The following CDH18 variants were observed in gnomAD, a reference collection of about 807,000 sequenced individuals.
The protein encoded by CDH18 is cadherin 18, also known as cadherin-18.
CDH18 carries 31 observed loss-of-function variants against 67.9 expected under a neutral mutation model. The ratio of observed to expected loss-of-function variants is 0.46; its 90% CI spans 0.34 to 0.62. CDH18 has a LOEUF of 0.62. CDH18 is among the 20% of genes least tolerant of loss of function. The pLI is 0.01. For synonymous variants in CDH18, 362 were observed against 347.2 expected (o/e 1.04, Z -0.48); for missense variants, 890 against 975.5 (o/e 0.91, Z 1.17).
chr5:19,517,826 C>A (rs1302406414), intron 10 of CDH18, among the ~76,000 whole-genome samples: 7 of 151,954 alleles, frequency 4.6e-5, no homozygotes, highest in African/African-American at 1.7e-4. Flanking sequence ...GTCTCTCATA[C>A]TCTTATTTAT....
chr5:20,296,172 C>T (rs1747498581), intron 1 of CDH18, among the ~76,000 whole-genome samples: 1 of 151,298 alleles, frequency 6.6e-6, no homozygotes, highest in Non-Finnish European at 1.5e-5. Context: ...TCGCGCCTGG[C>T]CGACAAATTT....
At chr5:20,350,974 G>T (rs12513933) in intron 1 of CDH18, among the ~76,000 whole-genome samples, 18,390 of 149,518 alleles carry the variant, frequency 0.12, 1,888 homozygotes, top group African/African-American at 0.28. Flanking sequence ...TTTTGGAAAA[G>T]TAAAAAAAAA....
intron 2 of CDH18, among the ~76,000 whole-genome samples, chr5:19,934,574 C>T (rs1348776445): frequency 6.6e-6 from 1 of 151,324 alleles, no homozygotes; most frequent in Non-Finnish European, 1.5e-5. Context: ...TTTTTAAAGG[C>T]CCACTTTTAC....
chr5:19,565,453 T>A (rs1159443004), intron 8 of CDH18, among the ~76,000 whole-genome samples: 2 of 152,206 alleles, frequency 1.3e-5, no homozygotes, highest in African/African-American at 4.8e-5. Flanking sequence ...ACTACAGCAG[T>A]ACCTCCACAA....
At chr5:20,107,206 C>T (rs769302823) in intron 2 of CDH18, among the ~76,000 whole-genome samples, 9 of 151,970 alleles carry the variant, frequency 5.9e-5, no homozygotes, top group Non-Finnish European at 1.2e-4. Context: ...TCAGCCTCCC[C>T]AGTAGCTGGG....
chr5:19,559,031 T>C (rs1177990984), intron 8 of CDH18, among the ~76,000 whole-genome samples: 1 of 152,264 alleles, frequency 6.6e-6, no homozygotes, highest in East Asian at 1.9e-4. Flanking sequence ...GTGGTATCAG[T>C]TGTAATATCT....
At chr5:20,294,069 C>T (rs918968623) in intron 1 of CDH18, among the ~76,000 whole-genome samples, 4 of 152,088 alleles carry the variant, frequency 2.6e-5, no homozygotes, top group African/African-American at 9.7e-5. Context: ...GATTTATATA[C>T]ACTGTTGGTC....
intron 2 of CDH18, among the ~76,000 whole-genome samples, chr5:19,897,021 GT>G (rs1789415967): frequency 6.6e-6 from 1 of 152,074 alleles, no homozygotes; most frequent in Non-Finnish European, 1.5e-5. Flanking sequence ...TGACTTTAGT[GT>G]TTGCAAAGAT....
chr5:20,015,241 C>G (rs1737780654), intron 2 of CDH18, among the ~76,000 whole-genome samples: 1 of 152,058 alleles, frequency 6.6e-6, no homozygotes, highest in South Asian at 2.1e-4. Context: ...CCATAGGTCC[C>G]ACGTTTATTA....
chr5:20,371,291 T>C (rs77978978), intron 1 of CDH18, among the ~76,000 whole-genome samples: 1 of 152,110 alleles, frequency 6.6e-6, no homozygotes, highest in Non-Finnish European at 1.5e-5. Context: ...AGAGGTAGAT[T>C]ATGGATCAAC....
At chr5:20,228,557 A>T (rs901901090) in intron 2 of CDH18, among the ~76,000 whole-genome samples, 4 of 152,050 alleles carry the variant, frequency 2.6e-5, no homozygotes, top group African/African-American at 9.7e-5. Flanking sequence ...TGTACAATAG[A>T]TCTCTTGAAA....
chr5:20,295,218 T>C (rs1432456124), intron 1 of CDH18, among the ~76,000 whole-genome samples: 1 of 152,164 alleles, frequency 6.6e-6, no homozygotes, highest in African/African-American at 2.4e-5. Context: ...TGTGATTTTA[T>C]ATTGTTTTGC....
intron 8 of CDH18, among the ~76,000 whole-genome samples, chr5:19,561,267 A>T (rs1739402281): frequency 6.6e-6 from 1 of 152,188 alleles, no homozygotes; most frequent in African/African-American, 2.4e-5. Context: ...CCAAATGCCC[A>T]TCCGTCAATG....
At chr5:19,482,307 G>A (rs546640169) in intron 12 of CDH18, among the ~76,000 whole-genome samples, 72 of 152,094 alleles carry the variant, frequency 4.7e-4, no homozygotes, top group Middle Eastern at 3.4e-3. Context: ...CAGTAGAAAC[G>A]GGGTTTCACT....
intron 3 of CDH18, among the ~76,000 whole-genome samples, chr5:19,775,052 G>A (rs556429326): frequency 6.6e-6 from 1 of 152,086 alleles, no homozygotes; most frequent in East Asian, 1.9e-4. Flanking sequence ...ACCAAGACAG[G>A]AACCCTTCAG....
chr5:20,177,675 C>T (rs1737346807), intron 2 of CDH18, among the ~76,000 whole-genome samples: 1 of 151,984 alleles, frequency 6.6e-6, no homozygotes, highest in Admixed American at 6.6e-5. Flanking sequence ...TCGGCCATGT[C>T]CCCACTCAAA....
At chr5:20,411,442 C>A (rs374384321) in intron 1 of CDH18, among the ~76,000 whole-genome samples, 16 of 151,820 alleles carry the variant, frequency 1.1e-4, no homozygotes, top group African/African-American at 3.4e-4. Flanking sequence ...CAAAAATCAA[C>A]AAAAATGGAT....
chr5:20,512,485 T>C (rs1447351758), intron 1 of CDH18, among the ~76,000 whole-genome samples: 3 of 152,188 alleles, frequency 2.0e-5, no homozygotes, highest in Non-Finnish European at 4.4e-5. Context: ...TTGTGACTGC[T>C]ATAAGATACT....
intron 5 of CDH18, among the ~76,000 whole-genome samples, chr5:19,675,709 C>A (rs145215632): frequency 4.0e-5 from 6 of 151,808 alleles, no homozygotes; most frequent in African/African-American, 1.5e-4. Context: ...GGTCCTGAGG[C>A]GACATTCATC....
Sources: allele counts gnomAD v4.1 joint callset (sites outside exome capture counted in the v4.1 genomes callset), GRCh38; gene constraint gnomAD v4.1.1; transcripts MANE v1.5; gene names NCBI Gene and HGNC (gene_info 2026-07-23, HGNC 2026-07-21).